SNTG2: variants seen among roughly 807,000 people sequenced by gnomAD.
The protein encoded by SNTG2 is gamma-2-syntrophin.
In SNTG2, 74 loss-of-function variants were observed where a neutral mutation model predicts 70.9. That is an observed-to-expected ratio of 1.04 (90% CI 0.86 to 1.27). The LOEUF (loss-of-function observed/expected upper bound fraction) is 1.27. Ranked by LOEUF, SNTG2 falls within the 50% of genes most tolerant of loss-of-function variation. The pLI, the probability that SNTG2 is intolerant of heterozygous loss-of-function variation, is 0.00. For synonymous variants in SNTG2, 278 were observed against 273.8 expected (o/e 1.02, Z -0.15); for missense variants, 717 against 690.7 (o/e 1.04, Z -0.43).
At chr2:1,364,029 G>A (rs1382219437) in intron 16 of SNTG2, among the ~76,000 whole-genome samples, 1 of 152,124 alleles carries the variant, frequency 6.6e-6, no homozygotes, top group Non-Finnish European at 1.5e-5. Flanking sequence ...GGAGTGCAAT[G>A]GCACAATCTC....
chr2:986,109 G>GAT (rs1553304953), intron 1 of SNTG2, among the ~76,000 whole-genome samples: 2 of 143,750 alleles, frequency 1.4e-5, no homozygotes, highest in Admixed American at 1.4e-4. Context: ...GAGAGAGAGA[G>GAT]ATCAGAGGAT....
chr2:1,105,868 C>T (rs550514461), intron 4 of SNTG2, among the ~76,000 whole-genome samples: 1 of 152,228 alleles, frequency 6.6e-6, no homozygotes, highest in Non-Finnish European at 1.5e-5. Flanking sequence ...TCCACCCTCA[C>T]CTGGAAGATC....
At chr2:1,332,338 T>C (rs566969834) in intron 16 of SNTG2, among the ~76,000 whole-genome samples, 10 of 152,204 alleles carry the variant, frequency 6.6e-5, no homozygotes, top group Non-Finnish European at 1.5e-4. Flanking sequence ...ACCTTAATTC[T>C]ATCAGACATT....
At chr2:1,147,766 T>C (rs891567475) in intron 6 of SNTG2, among the ~76,000 whole-genome samples, 6 of 152,224 alleles carry the variant, frequency 3.9e-5, no homozygotes, top group Non-Finnish European at 8.8e-5. Flanking sequence ...AGAGTGAGGC[T>C]AATGACTAGC....
intron 11 of SNTG2, chr2:1,242,608 C>T (rs962884816): frequency 2.6e-5 from 4 of 152,122 alleles, no homozygotes; most frequent in Non-Finnish European, 4.4e-5. Context: ...CTATTTCTTT[C>T]CAAATTAAAC....
At chr2:1,312,833 TG>T (rs1271627254) in intron 15 of SNTG2, among the ~76,000 whole-genome samples, 1 of 152,108 alleles carries the variant, frequency 6.6e-6, no homozygotes, top group East Asian at 1.9e-4. Context: ...TTAAGGTTGA[TG>T]GAGAGGAACA....
chr2:1,163,658 C>G (rs1004786256), intron 6 of SNTG2: 2 of 152,384 alleles, frequency 1.3e-5, no homozygotes, highest in Admixed American at 1.3e-4. Flanking sequence ...TGAAAATGCT[C>G]AGTGGCATTA....
intron 9 of SNTG2, among the ~76,000 whole-genome samples, chr2:1,227,939 T>A (rs1158017799): frequency 6.6e-6 from 1 of 152,212 alleles, no homozygotes; most frequent in African/African-American, 2.4e-5. Context: ...GAAGAGAGCC[T>A]GAGAGGCTGG....
intron 6 of SNTG2, among the ~76,000 whole-genome samples, chr2:1,157,360 G>T (rs1032525600): frequency 1.3e-5 from 2 of 152,014 alleles, no homozygotes; most frequent in African/African-American, 4.8e-5. Flanking sequence ...AATGCACCCC[G>T]GCACCGCGGC....
chr2:1,121,753 G>A (rs964491201), intron 4 of SNTG2, among the ~76,000 whole-genome samples: 2 of 152,098 alleles, frequency 1.3e-5, no homozygotes, highest in African/African-American at 4.8e-5. Flanking sequence ...GAACAGCATG[G>A]GGGAAACTGC....
chr2:1,029,321 G>A (rs529315171), intron 1 of SNTG2, among the ~76,000 whole-genome samples: 60 of 152,280 alleles, frequency 3.9e-4, no homozygotes, highest in African/African-American at 1.3e-3. Context: ...AGGGAGGTCA[G>A]GAAAATATAT....
intron 1 of SNTG2, among the ~76,000 whole-genome samples, chr2:958,863 CA>C (rs1660254897): frequency 6.6e-6 from 1 of 152,062 alleles, no homozygotes; most frequent in Non-Finnish European, 1.5e-5. Context: ...TGCCTTATGA[CA>C]GTCAAAATTT....
chr2:995,336 T>C (rs1045633172), intron 1 of SNTG2, among the ~76,000 whole-genome samples: 8 of 152,110 alleles, frequency 5.3e-5, no homozygotes, highest in African/African-American at 1.9e-4. Context: ...GATTTTGTCT[T>C]TTATTTACTG....
At chr2:1,171,869 G>A (rs1671146987) in intron 7 of SNTG2, among the ~76,000 whole-genome samples, 1 of 152,174 alleles carries the variant, frequency 6.6e-6, no homozygotes, top group Admixed American at 6.5e-5. Context: ...TGCAGAGGCA[G>A]ATTGGAGGTT....
At chr2:1,207,223 C>T (rs975935316) in intron 8 of SNTG2, among the ~76,000 whole-genome samples, 4 of 152,108 alleles carry the variant, frequency 2.6e-5, no homozygotes, top group Admixed American at 1.3e-4. Context: ...CGTGCATGCA[C>T]CAAAGGTGAA....
At chr2:1,096,081 C>A (rs1665372505) in intron 2 of SNTG2, among the ~76,000 whole-genome samples, 1 of 152,202 alleles carries the variant, frequency 6.6e-6, no homozygotes, top group African/African-American at 2.4e-5. Context: ...AGTCAACCGT[C>A]CATGTGTTGA....
At chr2:1,321,206 C>T (rs1028808750) in intron 16 of SNTG2, among the ~76,000 whole-genome samples, 2 of 152,118 alleles carry the variant, frequency 1.3e-5, no homozygotes, top group South Asian at 2.1e-4. Flanking sequence ...AAATGAGATA[C>T]CTTAATGACT....
At chr2:1,262,748 C>CGTGCAGACGAGGCAACCCGAAGGCTCA (rs1558611070) in intron 13 of SNTG2, 1 of 150,594 alleles carries the variant, frequency 6.6e-6, no homozygotes, top group African/African-American at 2.4e-5. Flanking sequence ...CGGAAGGCTC[C>CGTGCAGACGAGGCAACCCGAAGGCTCA]GTGCAGACGA....
At chr2:1,358,678 T>A (rs1660981339) in intron 16 of SNTG2, among the ~76,000 whole-genome samples, 1 of 152,192 alleles carries the variant, frequency 6.6e-6, no homozygotes. Flanking sequence ...CTTCTGCTAT[T>A]GATTTCTAGC....
Sources: gnomAD v4.1 joint callset for allele counts (sites outside exome capture counted in the v4.1 genomes callset) on GRCh38, gnomAD v4.1.1 for gene constraint, MANE v1.5 for transcripts, NCBI Gene and HGNC (gene_info 2026-07-23, HGNC 2026-07-21) for gene names.